Variants in LMNTD1 observed in about 807,000 individuals in gnomAD.
LMNTD1 encodes the protein lamin tail domain containing 1.
Under a neutral mutation model 50.9 loss-of-function variants are expected in LMNTD1, and 35 were observed. The observed-to-expected ratio is 0.69, with a 90% CI of 0.53 to 0.91. The LOEUF (loss-of-function observed/expected upper bound fraction) is 0.91. Among genes scored for constraint, LMNTD1 ranks in the 40% least tolerant of loss-of-function variants. The pLI is 0.00. For synonymous variants in LMNTD1, 153 were observed against 161.9 expected (o/e 0.94, Z 0.42); for missense variants, 470 against 475.5 (o/e 0.99, Z 0.11).
intron 5 of LMNTD1, 29 bp from the exon 6 acceptor site, chr12:25,526,247 C>T: frequency 6.3e-7 from 1 of 1,599,408 alleles, no homozygotes; most frequent in Non-Finnish European, 8.5e-7. Flanking sequence ...TGACAAATGC[C>T]ACTGGAGTTG....
rs1038285237 is a variant in LMNTD1 at position 25,568,663 on chromosome 12, G to C, written c.59-22109C>G. Among the ~76,000 whole-genome samples, 15 of 152,334 alleles carry C rather than the reference G, an allele frequency of 9.8e-5. No individual in the cohort carries two copies. In the East Asian group the frequency reaches 2.1e-3, roughly 22 times the overall value. On this transcript the variant is annotated intron_variant, in intron 1 of 7. Coordinates refer to the LMNTD1 transcript ENST00000445693. ...ATGCCAAAGCCCTGCATCACCTGGG[G>C]GTGCTTCTCCCCTCATTTCTGCAGC...
At chr12:25,595,316 C>T (rs771170517) in intron 1 of LMNTD1, among the ~76,000 whole-genome samples, 1 of 152,042 alleles carries the variant, frequency 6.6e-6, no homozygotes, top group Non-Finnish European at 1.5e-5. Flanking sequence ...CCAAGATAGA[C>T]TATATAATAG....
intron 1 of LMNTD1, among the ~76,000 whole-genome samples, chr12:25,563,361 A>G (rs1213320663): frequency 6.6e-6 from 1 of 152,160 alleles, no homozygotes; most frequent in African/African-American, 2.4e-5. Flanking sequence ...TTTCCTTCTA[A>G]CAGTCAGGAC....
chr12:25,607,896 T>C (rs1227839671), intron 1 of LMNTD1, among the ~76,000 whole-genome samples: 4 of 152,182 alleles, frequency 2.6e-5, no homozygotes, highest in South Asian at 4.1e-4. Flanking sequence ...CCTTGTTAAC[T>C]TTCTGTCTTG....
intron 1 of LMNTD1, among the ~76,000 whole-genome samples, chr12:25,619,252 C>CTCTCTCTCTCTCTCTCTCTCTCTA (rs1374134268): frequency 1.2e-5 from 1 of 84,446 alleles, no homozygotes; most frequent in African/African-American, 5.1e-5. Flanking sequence ...CTCTCTCTCT[C>CTCTCTCTCTCTCTCTCTCTCTCTA]TATATATATA....
intron 1 of LMNTD1, among the ~76,000 whole-genome samples, chr12:25,612,321 C>CAG (rs1946264755): frequency 1.6e-5 from 2 of 124,126 alleles, no homozygotes; most frequent in African/African-American, 5.2e-5. Context: ...CACACACACA[C>CAG]ACACACACGC....
intron 9 of LMNTD1, among the ~76,000 whole-genome samples, chr12:25,492,045 G>C (rs1938900686): frequency 1.3e-5 from 2 of 152,196 alleles, no homozygotes; most frequent in Admixed American, 6.5e-5. Flanking sequence ...GTTTACTTTA[G>C]ATTTCAAACT....
intron 1 of LMNTD1, among the ~76,000 whole-genome samples, chr12:25,576,522 A>G (rs923510304): frequency 6.6e-6 from 1 of 152,136 alleles, no homozygotes; most frequent in Non-Finnish European, 1.5e-5. Flanking sequence ...TCATTTGCCC[A>G]CTTTTTGATG....
intron 1 of LMNTD1, among the ~76,000 whole-genome samples, chr12:25,560,519 A>C (rs925709445): frequency 2.0e-5 from 3 of 152,182 alleles, no homozygotes; most frequent in Middle Eastern, 3.2e-3. Flanking sequence ...TGGTCTTGGC[A>C]ATGAGGGCTC....
At chr12:25,483,061 GTTTACCTTGCA>G (rs1396401461) in intron 9 of LMNTD1, among the ~76,000 whole-genome samples, 1 of 151,990 alleles carries the variant, frequency 6.6e-6, no homozygotes, top group Non-Finnish European at 1.5e-5. Context: ...CAGCATTTGT[GTTTACCTTGCA>G]TTTTAACACA....
intron 9 of LMNTD1, among the ~76,000 whole-genome samples, chr12:25,495,118 T>C (rs1482176893): frequency 1.3e-5 from 2 of 152,160 alleles, no homozygotes; most frequent in Non-Finnish European, 2.9e-5. Flanking sequence ...ACTCTAGCCC[T>C]GATACTTATC....
At chr12:25,504,555 C>T (rs576171699) in intron 8 of LMNTD1, among the ~76,000 whole-genome samples, 105 of 152,060 alleles carry the variant, frequency 6.9e-4, no homozygotes, top group South Asian at 6.2e-3. Context: ...TAGGTGTAGA[C>T]GATAATGAGC....
chr12:25,531,726 C>A (rs985945838), intron 4 of LMNTD1, among the ~76,000 whole-genome samples: 3 of 152,062 alleles, frequency 2.0e-5, no homozygotes, highest in Non-Finnish European at 4.4e-5. Context: ...CCATCAATAC[C>A]ATTCTACCTC....
intron 1 of LMNTD1, among the ~76,000 whole-genome samples, chr12:25,581,281 T>C (rs1185872172): frequency 2.0e-5 from 3 of 152,206 alleles, no homozygotes; most frequent in Non-Finnish European, 4.4e-5. Context: ...TGTTGTTTTA[T>C]CTCCAAAGCA....
At chr12:25,637,960 G>T (rs1450936142) in intron 1 of LMNTD1, among the ~76,000 whole-genome samples, 1 of 151,866 alleles carries the variant, frequency 6.6e-6, no homozygotes, top group African/African-American at 2.4e-5. Context: ...TCAACAAAAT[G>T]CTAGCAAATT....
At chr12:25,484,757 T>C (rs1261225910) in intron 9 of LMNTD1, among the ~76,000 whole-genome samples, 2 of 146,678 alleles carry the variant, frequency 1.4e-5, no homozygotes, top group Non-Finnish European at 3.0e-5. Flanking sequence ...ATGCGGTGTT[T>C]GGTTTTTTCT....
chr12:25,615,094 C>T (rs1247497561), intron 1 of LMNTD1, among the ~76,000 whole-genome samples: 8 of 152,118 alleles, frequency 5.3e-5, no homozygotes, highest in Non-Finnish European at 7.4e-5. Flanking sequence ...CAGGGGGGCA[C>T]AATCCAGCCT....
chr12:25,539,945 A>G (rs1483964721), intron 4 of LMNTD1, among the ~76,000 whole-genome samples: 95 of 147,314 alleles, frequency 6.4e-4, no homozygotes, highest in African/African-American at 8.4e-4. Context: ...TACTACAAAC[A>G]CCTCTACACA....
At chr12:25,643,490 G>T (rs564801191) in intron 1 of LMNTD1, among the ~76,000 whole-genome samples, 2 of 152,204 alleles carry the variant, frequency 1.3e-5, no homozygotes, top group Non-Finnish European at 2.9e-5. Context: ...ACAAGGAAGA[G>T]ACTTACATAT....
Sources: gnomAD v4.1 joint callset for allele counts (sites outside exome capture counted in the v4.1 genomes callset) on GRCh38, gnomAD v4.1.1 for gene constraint, MANE v1.5 for transcripts, NCBI Gene and HGNC (gene_info 2026-07-23, HGNC 2026-07-21) for gene names.